ALKBH8: variants seen among roughly 807,000 people sequenced by gnomAD.
The protein encoded by ALKBH8 is alkB homolog 8, tRNA methyltransferase.
In ALKBH8, 36 loss-of-function variants were observed where a neutral mutation model predicts 59.8. The observed-to-expected ratio is 0.60, with a 90% CI of 0.46 to 0.79. ALKBH8 has a LOEUF of 0.79. ALKBH8 is among the 30% of genes least tolerant of loss of function. The pLI is 0.00. For synonymous variants in ALKBH8, 276 were observed against 273.6 expected, an observed-to-expected ratio of 1.01 and a Z score of -0.09; for missense variants, 768 against 801.0, an observed-to-expected ratio of 0.96 and a Z score of 0.50.
At position 107,510,902 on chromosome 11, in the gene ALKBH8, A is replaced by G. The variant is rs780882649; in HGVS notation, c.1422T>C (p.His474=). 233 of 1,551,318 alleles carry G rather than the reference A, an allele frequency of 1.5e-4. No homozygotes were observed. Among genetic ancestry groups the G allele is most frequent in the Non-Finnish European group, 2.0e-4 (225 of 1,146,868 alleles). ...CCATACTTACTGCTGTTGCAAAATGATGAATAACAGCAATGGAGATGCAGG... is the reference window on the plus strand; with the variant it reads ...CCATACTTACTGCTGTTGCAAAATGGTGAATAACAGCAATGGAGATGCAGG... ...CDACISIAVI[H]HFATAERRVA... The change falls in exon 11 of 12, where the codon CAT becomes CAC. Residue 474 remains histidine, a synonymous_variant. Coordinates refer to ENST00000428149, the MANE Select transcript of ALKBH8 (RefSeq NM_138775.3).
intron 7 of ALKBH8, among the ~76,000 whole-genome samples, chr11:107,547,425 C>T (rs1864308212): frequency 6.6e-6 from 1 of 152,160 alleles, no homozygotes; most frequent in Non-Finnish European, 1.5e-5. Flanking sequence ...GAAGTGAAGG[C>T]TTTAAGTAAG....
At chr11:107,560,211 A>G (rs1248649204) in intron 2 of ALKBH8, among the ~76,000 whole-genome samples, 1 of 152,208 alleles carries the variant, frequency 6.6e-6, no homozygotes, top group African/African-American at 2.4e-5. Context: ...CACATTTATC[A>G]TCTCATTTAA....
intron 2 of ALKBH8, among the ~76,000 whole-genome samples, chr11:107,560,306 A>G (rs1462026962): frequency 6.6e-6 from 1 of 152,226 alleles, no homozygotes; most frequent in Non-Finnish European, 1.5e-5. Context: ...AAAATACTTT[A>G]TAAAACAGGT....
In ALKBH8 at chr11:107,532,323, T is replaced by A; in HGVS notation, c.855A>T (p.Glu285Asp). ...PRRSLLVMTGESRYLWTHGIT... is the reference protein window; with the variant it reads ...PRRSLLVMTGDSRYLWTHGIT... The stretch of plus-strand genomic sequence containing the variant: ...ACCCATGGGTCCAAAGGTATCTAGA[T>A]TCTCCTGTCATCACCAGCAAACTCC... The change falls in exon 8 of 12, where the codon GAA (glutamate) becomes GAT (aspartate). Residue 285 changes from glutamate to aspartate, a missense_variant. Coordinates refer to ENST00000428149, the MANE Select transcript of ALKBH8 (RefSeq NM_138775.3). 1.2e-6 allele frequency: 2 copies of A among 1,613,396 alleles called. No individual in the cohort carries two copies. Among genetic ancestry groups the A allele is most frequent in the Non-Finnish European group, 1.7e-6 (2 of 1,179,524 alleles).
chr11:107,514,334 C>A (rs1476316016), intron 10 of ALKBH8, among the ~76,000 whole-genome samples: 4 of 152,188 alleles, frequency 2.6e-5, no homozygotes, highest in African/African-American at 7.2e-5. Context: ...AAAAAAAATT[C>A]TTACTGAGTT....
At chr11:107,560,443 T>C (rs993182959) in intron 2 of ALKBH8, among the ~76,000 whole-genome samples, 3 of 152,170 alleles carry the variant, frequency 2.0e-5, no homozygotes, top group African/African-American at 7.2e-5. Flanking sequence ...TTTAGTTTTC[T>C]CACCTATCTC....
chr11:107,514,462 C>A (rs568098051), intron 10 of ALKBH8, among the ~76,000 whole-genome samples: 4 of 152,020 alleles, frequency 2.6e-5, no homozygotes, highest in Non-Finnish European at 5.9e-5. Flanking sequence ...TAAAAGATAT[C>A]AAGCTAGAGG....
intron 1 of ALKBH8, chr11:107,563,440 A>G (rs906527128): frequency 6.6e-6 from 1 of 152,238 alleles, no homozygotes; most frequent in Non-Finnish European, 1.5e-5. Context: ...AGTTGGTTAT[A>G]TAGCTCTGTG....
At chr11:107,559,933 T>C (rs1864870664) in intron 2 of ALKBH8, among the ~76,000 whole-genome samples, 1 of 152,164 alleles carries the variant, frequency 6.6e-6, no homozygotes, top group Non-Finnish European at 1.5e-5. Context: ...TTAAATGATA[T>C]CTAAAGCTTA....
In ALKBH8 at chr11:107,504,917, G is replaced by C. The variant is rs1862313759; in HGVS notation, c.1736C>G (p.Pro579Arg). 6.4e-7 allele frequency: 1 copy of C among 1,551,824 alleles called. No homozygotes were observed. Among genetic ancestry groups the C allele is most frequent in the Admixed American group, 2.0e-5 (1 of 50,986 alleles). Residue 579 changes from proline to arginine, a missense_variant, in exon 12 of 12, where the codon CCT becomes CGT. Physicochemically the swap from Pro to Arg is moderately radical, Grantham distance 103. Coordinates refer to ENST00000428149, the MANE Select transcript of ALKBH8 (RefSeq NM_138775.3). ...AAAAGAAGTCCTGTTAACATGAACA[G>C]GCAGCTTGGAATTAGAAACTTGCCT... ...NSRQVSNSKL[P>R]VHVNRTSFYS...
At chr11:107,522,639 T>C in intron 9 of ALKBH8, 84 bp from the exon 10 acceptor site, 1 of 1,361,334 alleles carries the variant, frequency 7.3e-7, no homozygotes, top group Non-Finnish European at 9.7e-7. Context: ...AAAAAAAAAA[T>C]CAATGCAAAT....
At position 107,522,474 on chromosome 11, in the gene ALKBH8, T is replaced by G; in HGVS notation, c.1112A>C (p.Glu371Ala). ...PESDKEASRL[E>A]QEYVHQVYEE... ...ATAAACCTGATGGACGTACTCTTGCTCCAGCCGTGAGGCTTCTTTATCACT... is the reference window on the plus strand; with the variant it reads ...ATAAACCTGATGGACGTACTCTTGCGCCAGCCGTGAGGCTTCTTTATCACT... Residue 371 changes from glutamate (E) to alanine (A), a missense_variant, in exon 10 of 12, where the codon GAG (glutamate) becomes GCG (alanine). Coordinates refer to ENST00000428149, the MANE Select transcript of ALKBH8 (RefSeq NM_138775.3). 6.4e-7 allele frequency: 1 copy of G among 1,551,718 alleles called. No homozygotes were observed. The highest frequency in any genetic ancestry group is 2.0e-5 in the Admixed American group (1 of 50,998).
chr11:107,507,023 A>T (rs1435210483), intron 11 of ALKBH8, among the ~76,000 whole-genome samples: 1 of 152,118 alleles, frequency 6.6e-6, no homozygotes, highest in Non-Finnish European at 1.5e-5. Context: ...AATTTAAGGT[A>T]GACTATAATG....
rs563175905 is a variant in ALKBH8 at position 107,556,203 on chromosome 11, G to A, written c.367+563C>T. Among the ~76,000 whole-genome samples, 32 of 152,240 alleles carry A rather than the reference G, an allele frequency of 2.1e-4. No homozygotes were observed. In the South Asian group the frequency reaches 2.7e-3, roughly 13 times the overall value. ...TGAGGCAGGAGAATTGCTTGAACCC[G>A]GGAGGTGGAGGTTGCAGTGAGCCGA... is the stretch of plus-strand genomic sequence containing the variant. On this transcript the variant is annotated intron_variant, in intron 3 of 11. Transcript: ENST00000428149.
Position 107,553,097 on chromosome 11 carries a change from C to G in ALKBH8, c.595+11G>C. 6.6e-7 allele frequency: 1 copy of G among 1,525,862 alleles called. No homozygotes were observed. Among genetic ancestry groups the G allele is most frequent in the Non-Finnish European group, 9.0e-7 (1 of 1,116,326 alleles). The allele number at this position is 1,525,862 out of a possible 1,614,324, so 94.5% of individuals were successfully genotyped here. On this transcript the variant is annotated intron_variant, in intron 5 of 11. Transcript: ENST00000428149. ...TGAGCCAGAATTTATTATGTATTAG[C>G]AATTACTTACCCCCAGATAATGGCT... is the stretch of plus-strand genomic sequence containing the variant.
At chr11:107,538,537 A>G (rs1378352837) in intron 7 of ALKBH8, among the ~76,000 whole-genome samples, 1 of 152,230 alleles carries the variant, frequency 6.6e-6, no homozygotes, top group Admixed American at 6.5e-5. Context: ...AATAAAGATC[A>G]AGTGCCCAGC....
At chr11:107,539,875 G>C (rs909853140) in intron 7 of ALKBH8, among the ~76,000 whole-genome samples, 1 of 152,120 alleles carries the variant, frequency 6.6e-6, no homozygotes, top group African/African-American at 2.4e-5. Context: ...GTGACTAAAA[G>C]AAAACAAGTT....
intron 9 of ALKBH8, among the ~76,000 whole-genome samples, chr11:107,524,191 T>C (rs1218669157): frequency 6.6e-6 from 1 of 152,040 alleles, no homozygotes; most frequent in Non-Finnish European, 1.5e-5. Context: ...TCCTAGTAAC[T>C]AGGACTACAG....
chr11:107,521,618 C>T (rs2135498596), intron 10 of ALKBH8, among the ~76,000 whole-genome samples: 1 of 152,080 alleles, frequency 6.6e-6, no homozygotes, highest in South Asian at 2.1e-4. Flanking sequence ...TACAACAATA[C>T]ACTAAAACAA....
Sources: allele counts gnomAD v4.1 joint callset (sites outside exome capture counted in the v4.1 genomes callset), GRCh38; gene constraint gnomAD v4.1.1; transcripts MANE v1.5; gene names NCBI Gene and HGNC (gene_info 2026-07-23, HGNC 2026-07-21).